Variants in DYNC2H1 observed in about 807,000 individuals in gnomAD.
The protein encoded by DYNC2H1 is cytoplasmic dynein 2 heavy chain 1.
In DYNC2H1, 410 loss-of-function variants were observed where a neutral mutation model predicts 570.0. The observed-to-expected ratio is 0.72, with a 90% CI of 0.66 to 0.78. DYNC2H1 has a LOEUF of 0.78. Among genes scored for constraint, DYNC2H1 ranks in the 30% least tolerant of loss-of-function variants. The probability of loss-of-function intolerance (pLI) is 0.00; values close to 1 mark genes in which losing one functional copy is unlikely to be tolerated. For synonymous variants in DYNC2H1, 1,688 were observed against 1,677.6 expected (o/e 1.01, Z -0.15); for missense variants, 4,865 against 5,046.4 (o/e 0.96, Z 1.09).
intron 84 of DYNC2H1, among the ~76,000 whole-genome samples, chr11:103,412,125 A>G (rs1943113194): frequency 6.6e-6 from 1 of 152,072 alleles, no homozygotes; most frequent in African/African-American, 2.4e-5. Context: ...GTACTACCCC[A>G]TTTATTTCAA....
chr11:103,409,608 T>C (rs1227195257), intron 84 of DYNC2H1: 1 of 152,784 alleles, frequency 6.5e-6, no homozygotes, highest in Non-Finnish European at 1.5e-5. Context: ...ATGTGGCTAG[T>C]ATAAATAGAA....
intron 82 of DYNC2H1, among the ~76,000 whole-genome samples, chr11:103,336,044 C>T (rs1939105304): frequency 6.6e-6 from 1 of 152,126 alleles, no homozygotes. Flanking sequence ...GATTCAGTCG[C>T]TTTTCTCCAT....
At chr11:103,426,904 A>G (rs778020966) in intron 84 of DYNC2H1, among the ~76,000 whole-genome samples, 1 of 152,156 alleles carries the variant, frequency 6.6e-6, no homozygotes, top group Non-Finnish European at 1.5e-5. Context: ...TTTTTGTGCC[A>G]TTTTGCATTA....
At chr11:103,372,310 C>T (rs1378040797) in intron 83 of DYNC2H1, among the ~76,000 whole-genome samples, 4 of 152,162 alleles carry the variant, frequency 2.6e-5, no homozygotes, top group South Asian at 2.1e-4. Context: ...TGAGCCTCCG[C>T]GCCCAGCCTT....
intron 88 of DYNC2H1, among the ~76,000 whole-genome samples, chr11:103,474,333 AAAG>A (rs1343006024): frequency 6.6e-6 from 1 of 152,204 alleles, no homozygotes; most frequent in Admixed American, 6.5e-5. Flanking sequence ...CTCTTCTAAA[AAAG>A]AACTGTTCAT....
In DYNC2H1 at chr11:103,158,967, A is replaced by G; in HGVS notation, c.4318A>G (p.Ile1440Val). ...YFIGDDDLLEILGQSTNPSVI... is the reference protein window; with the variant it reads ...YFIGDDDLLEVLGQSTNPSVI... ...TATTGGTGATGATGACTTATTAGAA[A>G]TATTGGGCCAGTCTACCAACCCATC... Residue 1440 changes from isoleucine (I) to valine (V), a missense_variant, in exon 28 of 89, where the codon ATA (isoleucine) becomes GTA (valine). By Grantham distance (29) the Ile-to-Val change is conservative. Transcript: ENST00000375735. The G allele has an allele frequency of 1.8e-5, 29 of 1,613,588 alleles. No homozygotes were observed. The highest frequency in any genetic ancestry group is 2.4e-5 in the Non-Finnish European group (28 of 1,179,778).
Position 103,151,985 on chromosome 11 carries a change from C to T in DYNC2H1, c.2947-151C>T. Reference sequence around the variant, plus strand: ...ATCCAGGAATTTTTTTCTGCCAAATCAGAATATATAGGAATTTAACAAACT... The same window carrying T: ...ATCCAGGAATTTTTTTCTGCCAAATTAGAATATATAGGAATTTAACAAACT... On this transcript the variant is annotated intron_variant, in intron 20 of 88. Coordinates refer to ENST00000375735, the MANE Select transcript of DYNC2H1 (RefSeq NM_001377.3). The surrounding 1 kb of genome is among the most constrained non-coding windows in gnomAD (Gnocchi z 4.6). 2.3e-6 allele frequency: 2 copies of T among 870,896 alleles called. No individual in the cohort carries two copies. Among genetic ancestry groups the T allele is most frequent in the Non-Finnish European group, 3.3e-6 (2 of 608,130 alleles). The allele number at this position is 870,896 out of a possible 1,614,324, so 53.9% of individuals were successfully genotyped here. A position where few individuals can be genotyped will look rare whatever the true frequency, so the allele number is the denominator to read the frequency against.
intron 87 of DYNC2H1, among the ~76,000 whole-genome samples, chr11:103,457,858 A>G (rs1185290450): frequency 6.6e-6 from 1 of 152,204 alleles, no homozygotes; most frequent in Non-Finnish European, 1.5e-5. Context: ...TCCTGCTCAA[A>G]ACACTTTTTA....
chr11:103,474,954 T>TTAAG (rs1269474290), intron 88 of DYNC2H1, among the ~76,000 whole-genome samples: 3 of 152,196 alleles, frequency 2.0e-5, no homozygotes, highest in African/African-American at 7.2e-5. Context: ...ATGTATGTTT[T>TTAAG]TAAGTCATTT....
At chr11:103,314,171 C>CT (rs1194148762) in intron 79 of DYNC2H1, among the ~76,000 whole-genome samples, 1 of 152,158 alleles carries the variant, frequency 6.6e-6, no homozygotes, top group African/African-American at 2.4e-5. Context: ...CTGCCACCCA[C>CT]TTTCTATTCT....
At chr11:103,426,289 C>T (rs1943670081) in intron 84 of DYNC2H1, among the ~76,000 whole-genome samples, 1 of 152,178 alleles carries the variant, frequency 6.6e-6, no homozygotes, top group African/African-American at 2.4e-5. Context: ...AGGCTCTCAG[C>T]TCTGAAGGCT....
chr11:103,454,209 A>G (rs1944710186), intron 85 of DYNC2H1, among the ~76,000 whole-genome samples: 1 of 152,138 alleles, frequency 6.6e-6, no homozygotes, highest in Admixed American at 6.5e-5. Flanking sequence ...ACAGTAATAA[A>G]TTAAATGAAC....
intron 82 of DYNC2H1, among the ~76,000 whole-genome samples, chr11:103,336,317 T>G (rs1939125926): frequency 6.6e-6 from 1 of 152,198 alleles, no homozygotes; most frequent in South Asian, 2.1e-4. Flanking sequence ...CTTCTCTAGT[T>G]ATTTTGAAAT....
chr11:103,137,912 G>A (rs1565331996), intron 17 of DYNC2H1, among the ~76,000 whole-genome samples: 1 of 149,948 alleles, frequency 6.7e-6, no homozygotes. Context: ...TTGAGCAGTG[G>A]TTTGTAGTTC....
rs1864487397 is a variant in DYNC2H1 at position 103,243,272 on chromosome 11, G to A, written c.9820-421G>A. On this transcript the variant is annotated intron_variant, in intron 63 of 88. Transcript: ENST00000375735. The surrounding 1 kb of genome is among the most constrained non-coding windows in gnomAD (Gnocchi z 4.8). ...AACAAAGAATATAGATAGATAGATA[G>A]ATAGATAGATAGATAGATAGATAGA... 7.9e-6 allele frequency among the ~76,000 whole-genome samples: 1 copy of A among 126,252 alleles called. No individual in the cohort carries two copies. The highest frequency in any genetic ancestry group is 3.2e-5 in the African/African-American group (1 of 31,492). 82.8% of individuals were successfully genotyped at this position (126,252 alleles called of 152,430 possible).
intron 10 of DYNC2H1, 48 bp downstream of exon 10, chr11:103,121,544 A>G: frequency 1.9e-6 from 3 of 1,582,802 alleles, no homozygotes; most frequent in Non-Finnish European, 2.6e-6. Context: ...AAAATCTGCT[A>G]AATTAAGGCA....
At chr11:103,402,722 A>G (rs1591691269) in intron 84 of DYNC2H1, 2 of 152,128 alleles carry the variant, frequency 1.3e-5, no homozygotes, top group South Asian at 4.1e-4. Context: ...CTAATAGTTG[A>G]TAGTACTAGT....
At chr11:103,158,611 A>G in intron 26 of DYNC2H1, 66 bp from the exon 27 acceptor site, 1 of 1,330,546 alleles carries the variant, frequency 7.5e-7, no homozygotes, top group Non-Finnish European at 1.0e-6. Flanking sequence ...AAAAAGTCTT[A>G]ATCTGTTTTT....
chr11:103,319,637 A>G lies in DYNC2H1; in HGVS notation c.11726-1392A>G, dbSNP rs1396300875. Among the ~76,000 whole-genome samples, 1 of 152,216 alleles carries G rather than the reference A, an allele frequency of 6.6e-6. No homozygotes were observed. The highest frequency in any genetic ancestry group is 2.4e-5 in the African/African-American group (1 of 41,462). ...TTCATTTTATTTTATCCTGAACAACATAAAATTTGTTTTGAGAAAAATAGG... is the reference window on the plus strand; with the variant it reads ...TTCATTTTATTTTATCCTGAACAACGTAAAATTTGTTTTGAGAAAAATAGG... On this transcript the variant is annotated intron_variant, in intron 80 of 88. Transcript: ENST00000375735. The surrounding 1 kb of genome is among the most constrained non-coding windows in gnomAD (Gnocchi z 4.3).
Sources: allele counts gnomAD v4.1 joint callset (sites outside exome capture counted in the v4.1 genomes callset), GRCh38; gene constraint gnomAD v4.1.1; non-coding constraint Gnocchi (gnomAD v3.1); transcripts MANE v1.5; gene names NCBI Gene and HGNC (gene_info 2026-07-23, HGNC 2026-07-21).